C1QTNF3: variants seen among roughly 807,000 people sequenced by gnomAD.
C1QTNF3 encodes complement C1q tumor necrosis factor-related protein 3.
A neutral mutation model predicts 32.6 loss-of-function variants in C1QTNF3; 26 were observed. The observed-to-expected ratio is 0.80, with a 90% confidence interval of 0.58 to 1.11. C1QTNF3 has a LOEUF of 1.11. Ranked by LOEUF, C1QTNF3 falls within the 50% of genes least tolerant of loss-of-function variation. The probability of loss-of-function intolerance (pLI) is 0.00; values close to 1 mark genes in which losing one functional copy is unlikely to be tolerated. For missense variants in C1QTNF3, 362 were observed against 398.2 expected (o/e 0.91, Z 0.77); for synonymous variants, 155 against 146.0 (o/e 1.06, Z -0.44).
the C1QTNF3 span, among the ~76,000 whole-genome samples, chr5:34,242,328 CAGAAT>C: frequency 0.032 from 4,804 of 152,182 alleles, 254 homozygotes; most frequent in African/African-American, 0.11. Context: ...GCCAATGGAA[CAGAAT>C]AGAACACTCA....
chr5:34,047,520 C>T (rs1755007696), upstream of C1QTNF3, among the ~76,000 whole-genome samples: 1 of 152,186 alleles, frequency 6.6e-6, no homozygotes. Flanking sequence ...GTCTTTGTAT[C>T]AGTGCCAACT....
At chr5:34,169,558 TA>T in the C1QTNF3 span, among the ~76,000 whole-genome samples, 1 of 152,212 alleles carries the variant, frequency 6.6e-6, no homozygotes, top group South Asian at 2.1e-4. Context: ...TCTCATTTTA[TA>T]GATTGCCTTT....
the C1QTNF3 span, among the ~76,000 whole-genome samples, chr5:34,162,880 T>C: frequency 2.0e-5 from 3 of 152,164 alleles, no homozygotes; most frequent in African/African-American, 7.2e-5. Context: ...AAAATTATCA[T>C]TGCCCTGACT....
chr5:34,024,166 A>C (rs1286195504), intron 4 of C1QTNF3, 158 bp from the exon 5 acceptor site: 1 of 611,430 alleles, frequency 1.6e-6, no homozygotes, highest in Non-Finnish European at 2.9e-6. Flanking sequence ...GAATGTCCCT[A>C]TATCTACTCC....
chr5:34,137,056 T>A, the C1QTNF3 span, among the ~76,000 whole-genome samples: 8 of 151,000 alleles, frequency 5.3e-5, no homozygotes, highest in Admixed American at 5.3e-4. Flanking sequence ...AAATGACGAG[T>A]TGATGGGTGC....
the C1QTNF3 span, among the ~76,000 whole-genome samples, chr5:34,203,483 C>T: frequency 8.5e-5 from 13 of 152,164 alleles, no homozygotes; most frequent in African/African-American, 3.1e-4. Flanking sequence ...GTCAGGAGTT[C>T]GAGGCCAGGC....
chr5:34,090,751 T>C, the C1QTNF3 span, among the ~76,000 whole-genome samples: 1 of 152,046 alleles, frequency 6.6e-6, no homozygotes, highest in Non-Finnish European at 1.5e-5. Flanking sequence ...GAGCCCCTTC[T>C]TTCCTTCTGC....
the C1QTNF3 span, among the ~76,000 whole-genome samples, chr5:34,115,717 C>A: frequency 9.0e-5 from 13 of 144,816 alleles, no homozygotes; most frequent in African/African-American, 2.5e-4. Context: ...GGTGACAGAG[C>A]GAGACTCTGT....
the C1QTNF3 span, among the ~76,000 whole-genome samples, chr5:34,164,389 T>A: frequency 2.0e-5 from 3 of 152,052 alleles, no homozygotes; most frequent in Admixed American, 6.6e-5. Flanking sequence ...CTGGAGAAGA[T>A]GATAATGTTT....
At chr5:34,241,805 C>T in the C1QTNF3 span, among the ~76,000 whole-genome samples, 4 of 151,558 alleles carry the variant, frequency 2.6e-5, no homozygotes, top group East Asian at 5.8e-4. Context: ...ACTACCCTGA[C>T]GGCTTGAGGC....
chr5:34,111,039 T>C, the C1QTNF3 span, among the ~76,000 whole-genome samples: 1 of 152,194 alleles, frequency 6.6e-6, no homozygotes, highest in South Asian at 2.1e-4. Context: ...ATTCTTACGG[T>C]CTCACTTCTT....
chr5:34,225,773 T>C, the C1QTNF3 span, among the ~76,000 whole-genome samples: 1 of 151,952 alleles, frequency 6.6e-6, no homozygotes, highest in African/African-American at 2.4e-5. Context: ...TTATACCCTA[T>C]CTTTATGGTG....
the C1QTNF3 span, among the ~76,000 whole-genome samples, chr5:34,084,604 C>T: frequency 1.3e-5 from 2 of 151,026 alleles, no homozygotes; most frequent in Non-Finnish European, 2.9e-5. Context: ...CACCACATCA[C>T]CTTGTGGAGA....
the C1QTNF3 span, among the ~76,000 whole-genome samples, chr5:34,072,417 G>GAAAGAAAGA: frequency 6.7e-6 from 1 of 148,822 alleles, no homozygotes; most frequent in African/African-American, 2.5e-5. Flanking sequence ...AAGAAAGAAA[G>GAAAGAAAGA]AAAGAACAGA....
At chr5:34,154,571 G>A in the C1QTNF3 span, among the ~76,000 whole-genome samples, 34 of 152,294 alleles carry the variant, frequency 2.2e-4, 1 homozygote, top group East Asian at 6.5e-3. Flanking sequence ...TTAGAATGCT[G>A]AGAACTAGTT....
At chr5:34,111,036 C>T in the C1QTNF3 span, among the ~76,000 whole-genome samples, 3 of 152,188 alleles carry the variant, frequency 2.0e-5, no homozygotes, top group Non-Finnish European at 4.4e-5. Flanking sequence ...CCTATTCTTA[C>T]GGTCTCACTT....
At chr5:34,047,120 C>A (rs1754999804), upstream of C1QTNF3, among the ~76,000 whole-genome samples, 1 of 152,206 alleles carries the variant, frequency 6.6e-6, no homozygotes, top group African/African-American at 2.4e-5. Flanking sequence ...AGGCAACCTC[C>A]CTGGAGGTGA....
At chr5:34,227,047 CT>C in the C1QTNF3 span, among the ~76,000 whole-genome samples, 2,156 of 151,108 alleles carry the variant, frequency 0.014, 38 homozygotes, top group South Asian at 0.034. Flanking sequence ...ACTAGCAGCA[CT>C]TTTTATAGGT....
intron 5 of C1QTNF3, 38 bp from the exon 6 acceptor site, chr5:34,020,780 C>T (rs769557897): frequency 5.0e-6 from 8 of 1,589,368 alleles, no homozygotes; most frequent in Admixed American, 3.4e-5. Flanking sequence ...TTAGTTTTTG[C>T]CATGAACAAC....
Sources: gnomAD v4.1 joint callset for allele counts (sites outside exome capture counted in the v4.1 genomes callset) on GRCh38, gnomAD v4.1.1 for gene constraint, MANE v1.5 for transcripts, NCBI Gene and HGNC (gene_info 2026-07-23, HGNC 2026-07-21) for gene names.